Variants in ZCCHC4 observed in about 807,000 individuals in gnomAD.
The protein encoded by ZCCHC4 is zinc finger CCHC-type containing 4, also known as rRNA N(6)-adenosine-methyltransferase ZCCHC4.
ZCCHC4 carries 54 observed loss-of-function variants against 67.7 expected under a neutral mutation model. That is an observed-to-expected ratio of 0.80 (90% CI 0.64 to 1.00). The LOEUF is 1.00. Among genes scored for constraint, ZCCHC4 ranks in the 50% least tolerant of loss-of-function variants. The probability of loss-of-function intolerance (pLI) is 0.00; values close to 1 mark genes in which losing one functional copy is unlikely to be tolerated. For missense variants in ZCCHC4, 609 were observed against 617.0 expected (o/e 0.99, Z 0.14); for synonymous variants, 198 against 213.5 (o/e 0.93, Z 0.63).
At chr4:25,368,328 T>C (rs947813462) in intron 12 of ZCCHC4, among the ~76,000 whole-genome samples, 7 of 152,130 alleles carry the variant, frequency 4.6e-5, no homozygotes, top group South Asian at 4.1e-4. Flanking sequence ...GAGAAGTGAA[T>C]GGATGGGCCA....
intron 3 of ZCCHC4, among the ~76,000 whole-genome samples, chr4:25,318,788 TA>T (rs532159483): frequency 1.4e-4 from 15 of 107,548 alleles, no homozygotes; most frequent in South Asian, 5.2e-4. Flanking sequence ...TCCAAAAGGT[TA>T]TTTTTTTTGG....
Position 25,370,007 on chromosome 4 carries a change from T to A in ZCCHC4, c.*843T>A, listed in dbSNP as rs1344617852. 1.3e-5 allele frequency: 2 copies of A among 152,164 alleles called. No homozygotes were observed. The highest frequency in any genetic ancestry group is 2.9e-5 in the Non-Finnish European group (2 of 68,024). 9.4% of individuals were successfully genotyped at this position (152,164 alleles called of 1,614,324 possible). On this transcript the variant is annotated 3_prime_UTR_variant, in exon 13 of 13. Transcript: ENST00000302874. ...ACTGTTTAGATATACAGATTATAATTATAATTACATTATTATTAAATATTT... is the reference window on the plus strand; with the variant it reads ...ACTGTTTAGATATACAGATTATAATAATAATTACATTATTATTAAATATTT...
intron 8 of ZCCHC4, among the ~76,000 whole-genome samples, chr4:25,357,044 A>G (rs1172814362): frequency 6.6e-6 from 1 of 152,236 alleles, no homozygotes; most frequent in Non-Finnish European, 1.5e-5. Context: ...AATGCAATTT[A>G]TTTAATAGCT....
chr4:25,349,420 G>C, intron 6 of ZCCHC4, 72 bp from the exon 7 acceptor site: 6 of 1,449,632 alleles, frequency 4.1e-6, no homozygotes, highest in Non-Finnish European at 5.7e-6. Flanking sequence ...TGAGTCTAAT[G>C]CATTCTCCTC....
chr4:25,350,970 G>C (rs1720272295), intron 7 of ZCCHC4, among the ~76,000 whole-genome samples: 1 of 152,088 alleles, frequency 6.6e-6, no homozygotes, highest in African/African-American at 2.4e-5. Context: ...TTATAGCTTA[G>C]TGTAAGCACT....
chr4:25,345,617 AAAGGT>A lies in ZCCHC4; in HGVS notation c.759+1_759+5del. The A allele has an allele frequency of 6.4e-7, 1 of 1,562,680 alleles. No individual in the cohort carries two copies. The stretch of plus-strand genomic sequence containing the variant: ...TGTTTAACCATCATTTCTTTGATGG[AAAGGT>A]AAGAGCTGTGACCATTATCTCATTG... On this transcript the variant is annotated splice_donor_variant and coding_sequence_variant, in exon 6 of 13. Coordinates refer to ENST00000302874, the MANE Select transcript of ZCCHC4 (RefSeq NM_024936.3). LOFTEE classifies it high-confidence loss of function.
At chr4:25,352,422 T>G (rs1412004904) in intron 8 of ZCCHC4, 1 of 985,356 alleles carries the variant, frequency 1.0e-6, no homozygotes, top group African/African-American at 1.7e-5. Flanking sequence ...TTCTTTTTTT[T>G]TTTTGAGACA....
chr4:25,315,258 G>A, intron 2 of ZCCHC4, 60 bp from the exon 3 acceptor site: 3 of 1,428,480 alleles, frequency 2.1e-6, no homozygotes, highest in Middle Eastern at 1.8e-4. Context: ...TGTGATGCCA[G>A]TTCTTCTAGG....
rs1719295938 is a variant in ZCCHC4 at position 25,333,526 on chromosome 4, A to G, written c.605+68A>G. ...TTGAAACTGTATGAAGATTTTATTA[A>G]GTAGTTACTTACTCTGTGCAAGGTA... On this transcript the variant is annotated intron_variant, in intron 4 of 12. Coordinates refer to ENST00000302874, the MANE Select transcript of ZCCHC4 (RefSeq NM_024936.3). 3.9e-6 allele frequency: 6 copies of G among 1,520,756 alleles called. No individual in the cohort carries two copies. In the South Asian group the frequency reaches 6.0e-5, roughly 15 times the overall value. 94.2% of individuals were successfully genotyped at this position (1,520,756 alleles called of 1,614,324 possible).
intron 3 of ZCCHC4, among the ~76,000 whole-genome samples, chr4:25,329,487 T>A (rs755429316): frequency 5.9e-5 from 9 of 151,438 alleles, no homozygotes; most frequent in Non-Finnish European, 8.8e-5. Flanking sequence ...TTTTTTTTTT[T>A]AATAATTTTA....
At chr4:25,329,405 C>T (rs577872372) in intron 3 of ZCCHC4, among the ~76,000 whole-genome samples, 17 of 151,338 alleles carry the variant, frequency 1.1e-4, no homozygotes, top group African/African-American at 3.9e-4. Flanking sequence ...ATTCTGAGAC[C>T]GTACCTTCAA....
chr4:25,323,012 G>T (rs1011037475), intron 3 of ZCCHC4, among the ~76,000 whole-genome samples: 1 of 152,240 alleles, frequency 6.6e-6, no homozygotes, highest in Non-Finnish European at 1.5e-5. Flanking sequence ...CTAATTCTTT[G>T]CATCACATCA....
At chr4:25,333,858 C>G in intron 4 of ZCCHC4, 50 bp from the exon 5 acceptor site, 2 of 1,262,602 alleles carry the variant, frequency 1.6e-6, no homozygotes, top group Non-Finnish European at 2.2e-6. Context: ...TGTTTATTGT[C>G]TATGACATTT....
At chr4:25,352,264 T>A in intron 8 of ZCCHC4, 1 of 985,426 alleles carries the variant, frequency 1.0e-6, no homozygotes, top group Non-Finnish European at 1.2e-6. Context: ...CTGCCTGAAA[T>A]GAGAATGAGG....
intron 5 of ZCCHC4, among the ~76,000 whole-genome samples, chr4:25,343,161 CAT>C (rs2109075001): frequency 6.6e-6 from 1 of 152,194 alleles, no homozygotes; most frequent in South Asian, 2.1e-4. Context: ...AATAGGAAGA[CAT>C]ATTTGTTTAA....
chr4:25,363,967 A>G (rs1244578144), intron 10 of ZCCHC4, among the ~76,000 whole-genome samples: 2 of 152,128 alleles, frequency 1.3e-5, no homozygotes, highest in East Asian at 1.9e-4. Context: ...GCTTTACAAT[A>G]CTCATTAAAT....
In ZCCHC4 at chr4:25,361,839, T is replaced by C; in HGVS notation, c.1012-20T>C. On this transcript the variant is annotated intron_variant, in intron 8 of 12. Transcript: ENST00000302874. ...TAATTTGAGTAAATTTTCTTTCTGCTCTAATTTTTAACTTTCTAGGTAGAT... is the reference window on the plus strand; with the variant it reads ...TAATTTGAGTAAATTTTCTTTCTGCCCTAATTTTTAACTTTCTAGGTAGAT... 6.3e-7 allele frequency: 1 copy of C among 1,585,524 alleles called. No individual in the cohort carries two copies.
intron 3 of ZCCHC4, among the ~76,000 whole-genome samples, chr4:25,325,158 G>T (rs1201305035): frequency 1.2e-4 from 14 of 117,678 alleles, no homozygotes; most frequent in African/African-American, 3.2e-4. Flanking sequence ...CAGGAGAATG[G>T]CGTGAATCCC....
At chr4:25,315,712 GTT>G (rs3067788) in intron 3 of ZCCHC4, among the ~76,000 whole-genome samples, 54,934 of 131,674 alleles carry the variant, frequency 0.42, 11,575 homozygotes, top group Non-Finnish European at 0.53. Context: ...ATTTTTGTGT[GTT>G]TTTTTTTTTT....
Sources: gnomAD v4.1 joint callset for allele counts (sites outside exome capture counted in the v4.1 genomes callset) on GRCh38, gnomAD v4.1.1 for gene constraint, MANE v1.5 for transcripts, NCBI Gene and HGNC (gene_info 2026-07-23, HGNC 2026-07-21) for gene names.